NELL2: variants seen among roughly 807,000 people sequenced by gnomAD.
The protein encoded by NELL2 is neural EGFL like 2, also known as protein kinase C-binding protein NELL2.
Under a neutral mutation model 109.6 loss-of-function variants are expected in NELL2, and 41 were observed. The observed-to-expected ratio is 0.37, with a 90% CI of 0.29 to 0.49. NELL2 has a LOEUF of 0.49. Among genes scored for constraint, NELL2 ranks in the 20% least tolerant of loss-of-function variants. The pLI is 0.98. For missense variants in NELL2, 900 were observed against 1,008.3 expected, an observed-to-expected ratio of 0.89 and a Z score of 1.45; for synonymous variants, 355 against 344.7, an observed-to-expected ratio of 1.03 and a Z score of -0.33.
intron 14 of NELL2, among the ~76,000 whole-genome samples, chr12:44,608,326 CAA>C (rs1026100384): frequency 1.3e-5 from 2 of 151,982 alleles, no homozygotes; most frequent in Non-Finnish European, 2.9e-5. Flanking sequence ...GAAATGGACT[CAA>C]AGAGTCCATT....
chr12:44,615,168 A>T (rs188785415), intron 13 of NELL2, among the ~76,000 whole-genome samples: 12 of 152,162 alleles, frequency 7.9e-5, no homozygotes, highest in Non-Finnish European at 2.9e-5. Flanking sequence ...TCAAGGGAGG[A>T]TCTGGTTGGA....
chr12:44,867,315 A>C, intron 2 of NELL2, among the ~76,000 whole-genome samples: 1 of 152,224 alleles, frequency 6.6e-6, no homozygotes, highest in South Asian at 2.1e-4. Flanking sequence ...AGGAGGCAAG[A>C]ATGGCTCAAC....
chr12:44,654,749 A>T (rs1024779867), intron 13 of NELL2, among the ~76,000 whole-genome samples: 1 of 152,134 alleles, frequency 6.6e-6, no homozygotes, highest in African/African-American at 2.4e-5. Context: ...TGAATGTGAC[A>T]CTGCAGAGGC....
chr12:44,911,315 T>C (rs190481785), intron 1 of NELL2, among the ~76,000 whole-genome samples: 1 of 152,028 alleles, frequency 6.6e-6, no homozygotes, highest in East Asian at 1.9e-4. Flanking sequence ...TTCTGAACAT[T>C]GATTAGTCTT....
chr12:44,806,061 TAGAGAC>T (rs1213401280), intron 3 of NELL2, among the ~76,000 whole-genome samples: 1 of 151,752 alleles, frequency 6.6e-6, no homozygotes, highest in Non-Finnish European at 1.5e-5. Flanking sequence ...TCCCACCCTT[TAGAGAC>T]AGAAAGTATT....
chr12:44,856,899 AAG>A (rs1471561114), intron 2 of NELL2, among the ~76,000 whole-genome samples: 1 of 152,216 alleles, frequency 6.6e-6, no homozygotes, highest in East Asian at 1.9e-4. Context: ...GCAGAGAAGC[AAG>A]AGTGTAAGCA....
chr12:44,524,380 TA>T (rs1310662494), intron 16 of NELL2, among the ~76,000 whole-genome samples: 1 of 152,146 alleles, frequency 6.6e-6, no homozygotes, highest in Non-Finnish European at 1.5e-5. Context: ...TGAGTGGCAA[TA>T]AGTAGTTATT....
chr12:44,730,122 A>G (rs1939293412), intron 9 of NELL2, among the ~76,000 whole-genome samples: 1 of 152,210 alleles, frequency 6.6e-6, no homozygotes, highest in Non-Finnish European at 1.5e-5. Context: ...CCAACATCAG[A>G]GCACCTATGC....
chr12:44,561,218 A>C (rs1424445008), intron 15 of NELL2, among the ~76,000 whole-genome samples: 1 of 152,226 alleles, frequency 6.6e-6, no homozygotes, highest in Non-Finnish European at 1.5e-5. Context: ...CCCACAGCCA[A>C]TATCATACTG....
rs753748548 is a variant in NELL2 at position 44,857,957 on chromosome 12, C to T, written c.184+17268G>A. 1.8e-4 allele frequency among the ~76,000 whole-genome samples: 27 copies of T among 152,166 alleles called. 1 individual carries two copies. The highest frequency in any genetic ancestry group is 2.6e-4 in the Non-Finnish European group (18 of 68,030). ...ACCTTCACCTGTCCTCCCTTTAGCA[C>T]ATGAAAGTCATCTGACTTTAGCTCC... On this transcript the variant is annotated intron_variant, in intron 2 of 19. Transcript: ENST00000429094.
intron 2 of NELL2, among the ~76,000 whole-genome samples, chr12:44,866,574 A>G (rs1334958329): frequency 1.3e-5 from 2 of 152,154 alleles, no homozygotes; most frequent in Non-Finnish European, 1.5e-5. Flanking sequence ...AATGAACTAC[A>G]AAAAGAAAAA....
At chr12:44,837,848 TA>T (rs1944102129) in intron 2 of NELL2, among the ~76,000 whole-genome samples, 1 of 152,224 alleles carries the variant, frequency 6.6e-6, no homozygotes, top group African/African-American at 2.4e-5. Flanking sequence ...AAAATAGCTT[TA>T]ATTTCTACAT....
At chr12:44,532,793 G>C (rs924955641) in intron 15 of NELL2, 72 bp from the exon 16 acceptor site, 1 of 1,432,068 alleles carries the variant, frequency 7.0e-7, no homozygotes, top group Non-Finnish European at 9.4e-7. Context: ...CTGCTACAAG[G>C]CTACTAAAAT....
At chr12:44,534,811 C>T (rs932781337) in intron 15 of NELL2, among the ~76,000 whole-genome samples, 1 of 152,070 alleles carries the variant, frequency 6.6e-6, no homozygotes, top group Non-Finnish European at 1.5e-5. Flanking sequence ...TTGGAAGTAA[C>T]TCTTGATGGA....
intron 1 of NELL2, among the ~76,000 whole-genome samples, chr12:44,911,637 G>T (rs1295984860): frequency 6.6e-6 from 1 of 151,910 alleles, no homozygotes; most frequent in African/African-American, 2.4e-5. Flanking sequence ...TTTCAAGATA[G>T]AGGTTTTATC....
At chr12:44,706,215 T>G (rs994590594) in intron 11 of NELL2, among the ~76,000 whole-genome samples, 1 of 152,168 alleles carries the variant, frequency 6.6e-6, no homozygotes, top group African/African-American at 2.4e-5. Context: ...AAATTAAAAT[T>G]TCAGTCATTC....
intron 2 of NELL2, among the ~76,000 whole-genome samples, chr12:44,825,616 G>A (rs1241598492): frequency 2.0e-5 from 3 of 149,870 alleles, no homozygotes; most frequent in Non-Finnish European, 3.0e-5. Flanking sequence ...AGATGGTCTC[G>A]ATCTCTTGAC....
intron 13 of NELL2, among the ~76,000 whole-genome samples, chr12:44,665,039 C>A: frequency 6.6e-6 from 1 of 152,158 alleles, no homozygotes; most frequent in South Asian, 2.1e-4. Context: ...CTCAATTGTA[C>A]TTCTCAGACA....
intron 15 of NELL2, among the ~76,000 whole-genome samples, chr12:44,557,220 T>C (rs1440478388): frequency 6.6e-6 from 1 of 152,164 alleles, no homozygotes; most frequent in Non-Finnish European, 1.5e-5. Flanking sequence ...GCCCAGCCCC[T>C]TTTGAGTTAC....
Sources: gnomAD v4.1 joint callset for allele counts (sites outside exome capture counted in the v4.1 genomes callset) on GRCh38, gnomAD v4.1.1 for gene constraint, MANE v1.5 for transcripts, NCBI Gene and HGNC (gene_info 2026-07-23, HGNC 2026-07-21) for gene names.